CCSER1: variants seen among roughly 807,000 people sequenced by gnomAD.
CCSER1 encodes coiled-coil serine rich protein 1, also known as serine-rich coiled-coil domain-containing protein 1.
A neutral mutation model predicts 82.0 loss-of-function variants in CCSER1; 41 were observed. The ratio of observed to expected loss-of-function variants is 0.50; its 90% CI spans 0.39 to 0.65. The LOEUF (loss-of-function observed/expected upper bound fraction) is 0.65, where lower values mean the gene tolerates loss of function less well. Ranked by LOEUF, CCSER1 falls within the 30% of genes least tolerant of loss-of-function variation. The pLI is 0.00. For missense variants in CCSER1, 1,119 were observed against 1,064.2 expected (o/e 1.05, Z -0.72); for synonymous variants, 414 against 383.9 (o/e 1.08, Z -0.92).
intron 10 of CCSER1, among the ~76,000 whole-genome samples, chr4:91,111,711 C>T (rs531908445): frequency 6.6e-6 from 1 of 151,746 alleles, no homozygotes; most frequent in South Asian, 2.1e-4. Context: ...AGAGTTAATA[C>T]TCTATAATTC....
At chr4:90,714,295 C>G (rs1194264645) in intron 6 of CCSER1, among the ~76,000 whole-genome samples, 3 of 151,582 alleles carry the variant, frequency 2.0e-5, no homozygotes, top group Non-Finnish European at 2.9e-5. Context: ...TGCTTGTCTC[C>G]CCTAATGAAC....
intron 10 of CCSER1, among the ~76,000 whole-genome samples, chr4:91,172,181 T>C (rs1707198513): frequency 6.6e-6 from 1 of 152,192 alleles, no homozygotes. Context: ...AATGGGAGTT[T>C]AGAAATCAGA....
At chr4:90,578,356 T>C (rs1430321841) in intron 5 of CCSER1, among the ~76,000 whole-genome samples, 2 of 152,130 alleles carry the variant, frequency 1.3e-5, no homozygotes, top group Non-Finnish European at 2.9e-5. Flanking sequence ...CCTTACCTTT[T>C]TGAGCTTGTA....
chr4:90,598,578 A>G (rs1020670470), intron 5 of CCSER1, among the ~76,000 whole-genome samples: 3 of 152,124 alleles, frequency 2.0e-5, no homozygotes, highest in African/African-American at 7.2e-5. Context: ...AGAGCACTTT[A>G]TTATATATTT....
intron 5 of CCSER1, among the ~76,000 whole-genome samples, chr4:90,584,021 G>A (rs1395801546): frequency 1.3e-5 from 2 of 151,838 alleles, no homozygotes; most frequent in African/African-American, 4.8e-5. Context: ...CAAATGTCAC[G>A]GTGGTATGCA....
rs527602614 is a variant in CCSER1 at position 90,629,964 on chromosome 4, CTG to C, written c.1932+1734_1932+1735del. 3.1e-3 allele frequency among the ~76,000 whole-genome samples: 474 copies of C among 152,300 alleles called. 3 individuals carry two copies. Among genetic ancestry groups the C allele is most frequent in the African/African-American group, 0.011 (439 of 41,574 alleles). ...TGGTGGAAGTACTATATAATTCTGA[CTG>C]TACAGATTTCCAACATGTAGATTCA... On this transcript the variant is annotated intron_variant, in intron 6 of 10. Transcript: ENST00000509176.
intron 1 of CCSER1, among the ~76,000 whole-genome samples, chr4:90,142,883 C>T (rs1160437087): frequency 6.6e-6 from 1 of 152,080 alleles, no homozygotes; most frequent in African/African-American, 2.4e-5. Context: ...GTTTCTGCTA[C>T]AGTTCTATTT....
intron 6 of CCSER1, among the ~76,000 whole-genome samples, chr4:90,675,643 A>T (rs371270727): frequency 3.2e-4 from 1 of 3,154 alleles, no homozygotes; most frequent in Admixed American, 4.8e-3. Context: ...GTGTGTTTTT[A>T]TCTTTTTTTT....
At chr4:90,276,123 A>G (rs1696022086) in intron 1 of CCSER1, among the ~76,000 whole-genome samples, 1 of 152,066 alleles carries the variant, frequency 6.6e-6, no homozygotes, top group Non-Finnish European at 1.5e-5. Context: ...TCAATGAGAA[A>G]ACCATTTTGT....
chr4:90,365,604 C>A (rs1187756593), intron 3 of CCSER1, among the ~76,000 whole-genome samples: 1 of 151,778 alleles, frequency 6.6e-6, no homozygotes, highest in East Asian at 1.9e-4. Context: ...AATAGGTAAA[C>A]ACTGGATATG....
At chr4:91,374,722 G>A (rs769453865) in intron 10 of CCSER1, among the ~76,000 whole-genome samples, 13 of 152,230 alleles carry the variant, frequency 8.5e-5, no homozygotes, top group Non-Finnish European at 1.8e-4. Context: ...TAGGCCGGGC[G>A]TGATGGCTCA....
chr4:90,526,903 G>A (rs1443020791), intron 5 of CCSER1, among the ~76,000 whole-genome samples: 2 of 152,078 alleles, frequency 1.3e-5, no homozygotes, highest in Non-Finnish European at 1.5e-5. Flanking sequence ...GGGATTGCTG[G>A]GTCAAATGGT....
At chr4:90,871,546 A>C (rs1766501558) in intron 8 of CCSER1, among the ~76,000 whole-genome samples, 1 of 151,768 alleles carries the variant, frequency 6.6e-6, no homozygotes, top group Non-Finnish European at 1.5e-5. Context: ...TATTATTTCA[A>C]ATTTTTTTGT....
chr4:91,198,242 A>G (rs963479199), intron 10 of CCSER1, among the ~76,000 whole-genome samples: 11 of 152,162 alleles, frequency 7.2e-5, no homozygotes, highest in African/African-American at 7.2e-5. Context: ...TTTATTAGAG[A>G]TGACACACCA....
At chr4:90,560,245 C>G (rs188077873) in intron 5 of CCSER1, among the ~76,000 whole-genome samples, 30 of 151,942 alleles carry the variant, frequency 2.0e-4, no homozygotes, top group African/African-American at 7.2e-4. Flanking sequence ...TCCCTTGGTG[C>G]ACTTTTAGAG....
intron 8 of CCSER1, among the ~76,000 whole-genome samples, chr4:90,867,864 G>A (rs1354350870): frequency 2.0e-5 from 3 of 151,820 alleles, no homozygotes; most frequent in East Asian, 3.9e-4. Flanking sequence ...ATGTTGTTCC[G>A]AAGGACAGGA....
Position 91,465,436 on chromosome 4 carries a change from A to T in CCSER1, c.2218-133136A>T, listed in dbSNP as rs996923019. ...CTAAAATCACCCTAACATCACAATT[A>T]AAAGAACTAGAGAAGCAAGAGCAAA... On this transcript the variant is annotated intron_variant, in intron 10 of 10. Coordinates refer to ENST00000509176, the MANE Select transcript of CCSER1 (RefSeq NM_001145065.2). Among the ~76,000 whole-genome samples the T allele has an allele frequency of 2.0e-5, 3 of 152,184 alleles. No individual in the cohort carries two copies. In the South Asian group the frequency reaches 6.2e-4, roughly 31 times the overall value.
intron 10 of CCSER1, among the ~76,000 whole-genome samples, chr4:91,545,513 A>G (rs1761842207): frequency 6.6e-6 from 1 of 152,150 alleles, no homozygotes. Flanking sequence ...ATAAATTGGT[A>G]GATATATATC....
chr4:90,380,934 G>A (rs776164581), intron 3 of CCSER1, among the ~76,000 whole-genome samples: 14 of 152,226 alleles, frequency 9.2e-5, no homozygotes, highest in Admixed American at 2.6e-4. Context: ...TCAGGGCTGT[G>A]TGCTAAGTGA....
Sources: allele counts gnomAD v4.1 joint callset (sites outside exome capture counted in the v4.1 genomes callset), GRCh38; gene constraint gnomAD v4.1.1; transcripts MANE v1.5; gene names NCBI Gene and HGNC (gene_info 2026-07-23, HGNC 2026-07-21).